ULK4: variants seen among roughly 807,000 people sequenced by gnomAD.
The protein encoded by ULK4 is unc-51 like kinase 4.
A neutral mutation model predicts 160.6 loss-of-function variants in ULK4; 133 were observed. The observed-to-expected ratio is 0.83, with a 90% CI of 0.72 to 0.96. The LOEUF (loss-of-function observed/expected upper bound fraction) is 0.96, where lower values mean the gene tolerates loss of function less well. Among genes scored for constraint, ULK4 ranks in the 40% least tolerant of loss-of-function variants. The probability of loss-of-function intolerance (pLI) is 0.00; values close to 1 mark genes in which losing one functional copy is unlikely to be tolerated. For synonymous variants in ULK4, 534 were observed against 539.8 expected, an observed-to-expected ratio of 0.99 and a Z score of 0.15; for missense variants, 1,580 against 1,499.5, an observed-to-expected ratio of 1.05 and a Z score of -0.89.
chr3:41,695,561 A>G (rs1303550065), intron 27 of ULK4, among the ~76,000 whole-genome samples: 2 of 152,220 alleles, frequency 1.3e-5, no homozygotes, highest in African/African-American at 2.4e-5. Flanking sequence ...AAAGGCTTAC[A>G]CTAGCCAAAT....
intron 17 of ULK4, among the ~76,000 whole-genome samples, chr3:41,841,427 C>T (rs550397653): frequency 6.0e-5 from 9 of 151,102 alleles, no homozygotes; most frequent in East Asian, 2.0e-4. Flanking sequence ...CCGGCCGCCC[C>T]GTCTGGGAAG....
intron 17 of ULK4, among the ~76,000 whole-genome samples, chr3:41,840,323 G>A (rs545802203): frequency 3.1e-4 from 47 of 152,242 alleles, no homozygotes; most frequent in African/African-American, 1.1e-3. Flanking sequence ...TAGAGTCCTA[G>A]CTACTCAAGA....
At chr3:41,905,108 A>G (rs1180470741) in intron 12 of ULK4, among the ~76,000 whole-genome samples, 2 of 152,242 alleles carry the variant, frequency 1.3e-5, no homozygotes, top group Non-Finnish European at 2.9e-5. Flanking sequence ...AGCTACAGTA[A>G]TCAAGAGTGT....
intron 29 of ULK4, among the ~76,000 whole-genome samples, chr3:41,677,308 A>G (rs1184058486): frequency 6.6e-6 from 1 of 151,718 alleles, no homozygotes; most frequent in Admixed American, 6.6e-5. Context: ...GATAGGCACT[A>G]AACAAATACT....
chr3:41,863,535 A>T (rs1468131964), intron 17 of ULK4, among the ~76,000 whole-genome samples: 2 of 151,776 alleles, frequency 1.3e-5, no homozygotes, highest in Non-Finnish European at 2.9e-5. Flanking sequence ...CATACACCAC[A>T]ACTAGTTATG....
chr3:41,373,539 C>G lies in ULK4; in HGVS notation c.3678+24540G>C, dbSNP rs118056964. Among the ~76,000 whole-genome samples, 443 of 152,112 alleles carry G rather than the reference C, an allele frequency of 2.9e-3. 2 individuals carry two copies. The highest frequency in any genetic ancestry group is 0.015 in the East Asian group (77 of 5,176). ...AACAACATGCTCCTGAATGACTACT[C>G]AGTAAATAGCAAAATTAAGGCAGAA... On this transcript the variant is annotated intron_variant, in intron 35 of 36. Transcript: ENST00000301831.
intron 17 of ULK4, among the ~76,000 whole-genome samples, chr3:41,861,582 C>T (rs1195329643): frequency 6.6e-6 from 1 of 151,888 alleles, no homozygotes; most frequent in Non-Finnish European, 1.5e-5. Flanking sequence ...CTTTCTTTAT[C>T]CCTGACCTTT....
chr3:41,719,210 C>T (rs1057480262), intron 22 of ULK4, among the ~76,000 whole-genome samples: 9 of 152,184 alleles, frequency 5.9e-5, no homozygotes, highest in African/African-American at 1.9e-4. Flanking sequence ...GTGTCTTTTG[C>T]TGGTTCATGC....
chr3:41,505,160 T>C (rs887674807), intron 32 of ULK4, among the ~76,000 whole-genome samples: 4 of 152,136 alleles, frequency 2.6e-5, no homozygotes, highest in Non-Finnish European at 5.9e-5. Flanking sequence ...GTATAGTAGA[T>C]ACAGAAAAAG....
intron 35 of ULK4, among the ~76,000 whole-genome samples, chr3:41,396,387 A>T (rs2082062571): frequency 6.6e-6 from 1 of 152,130 alleles, no homozygotes; most frequent in Non-Finnish European, 1.5e-5. Flanking sequence ...TCCCTACAAA[A>T]TTTAACCATA....
At chr3:41,459,789 C>T (rs1269807039) in intron 33 of ULK4, among the ~76,000 whole-genome samples, 1 of 152,082 alleles carries the variant, frequency 6.6e-6, no homozygotes, top group East Asian at 1.9e-4. Flanking sequence ...TACAAGATGG[C>T]AGTGCAACTG....
At chr3:41,512,996 T>C (rs529047928) in intron 32 of ULK4, among the ~76,000 whole-genome samples, 1 of 41,422 alleles carries the variant, frequency 2.4e-5, no homozygotes, top group East Asian at 2.7e-4. Context: ...AGTAACTTAC[T>C]AATCAGCTAA....
chr3:41,809,457 G>C (rs2040754051), intron 19 of ULK4, among the ~76,000 whole-genome samples: 1 of 152,180 alleles, frequency 6.6e-6, no homozygotes, highest in South Asian at 2.1e-4. Context: ...CAGTATTTCA[G>C]ATGTTAATTT....
At chr3:41,638,166 AAAAC>A (rs1390460278) in intron 30 of ULK4, among the ~76,000 whole-genome samples, 1 of 152,230 alleles carries the variant, frequency 6.6e-6, no homozygotes, top group African/African-American at 2.4e-5. Context: ...ATGCTATCAA[AAAAC>A]AAACTCTACC....
intron 29 of ULK4, among the ~76,000 whole-genome samples, chr3:41,678,458 C>T (rs1048894567): frequency 6.6e-6 from 1 of 152,086 alleles, no homozygotes; most frequent in East Asian, 1.9e-4. Context: ...CATTTAACTA[C>T]CAAGTGGATG....
chr3:41,525,558 T>C (rs1206288305), intron 32 of ULK4, among the ~76,000 whole-genome samples: 6 of 152,172 alleles, frequency 3.9e-5, no homozygotes, highest in Non-Finnish European at 8.8e-5. Context: ...AAAACAGCCC[T>C]TTCCAGGCAG....
At chr3:41,783,498 T>C (rs911222461) in intron 21 of ULK4, among the ~76,000 whole-genome samples, 2 of 150,492 alleles carry the variant, frequency 1.3e-5, no homozygotes, top group Non-Finnish European at 2.9e-5. Context: ...ATCATGCCAC[T>C]ACGCTCCAGC....
At chr3:41,620,848 T>C (rs774316759) in intron 30 of ULK4, among the ~76,000 whole-genome samples, 8 of 151,892 alleles carry the variant, frequency 5.3e-5, no homozygotes, top group Non-Finnish European at 1.0e-4. Context: ...AGATGACATT[T>C]TTATATATTT....
intron 30 of ULK4, 106 bp downstream of exon 30, chr3:41,663,501 C>T: frequency 9.3e-7 from 1 of 1,074,374 alleles, no homozygotes; most frequent in Non-Finnish European, 1.4e-6. Flanking sequence ...ATTTTGACAA[C>T]TCAAACATTA....
Sources: gnomAD v4.1 joint callset for allele counts (sites outside exome capture counted in the v4.1 genomes callset) on GRCh38, gnomAD v4.1.1 for gene constraint, MANE v1.5 for transcripts, NCBI Gene and HGNC (gene_info 2026-07-23, HGNC 2026-07-21) for gene names.